PTBP3: variants seen among roughly 807,000 people sequenced by gnomAD.
The protein encoded by PTBP3 is polypyrimidine tract-binding protein 3.
PTBP3 carries 20 observed loss-of-function variants against 58.7 expected under a neutral mutation model. The ratio of observed to expected loss-of-function variants is 0.34; its 90% CI spans 0.24 to 0.50. The LOEUF is 0.50. PTBP3 is among the 20% of genes least tolerant of loss of function. The probability of loss-of-function intolerance (pLI) is 0.98; values close to 1 mark genes in which losing one functional copy is unlikely to be tolerated. For synonymous variants in PTBP3, 185 were observed against 219.8 expected (o/e 0.84, Z 1.40); for missense variants, 509 against 637.2 (o/e 0.80, Z 2.17).
At position 112,222,838 on chromosome 9, in the gene PTBP3, T is replaced by A; in HGVS notation, c.*1013A>T. The A allele has an allele frequency of 1.1e-6, 1 of 894,078 alleles. No individual in the cohort carries two copies. Among genetic ancestry groups the A allele is most frequent in the Non-Finnish European group, 1.3e-6 (1 of 746,694 alleles). 55.4% of individuals were successfully genotyped at this position (894,078 alleles called of 1,614,324 possible). ...TAAGTAAATACACAGTAATTCTGAG[T>A]AAGTATTAGAGATTATAGTGGTACA... is the stretch of plus-strand genomic sequence containing the variant. On this transcript the variant is annotated 3_prime_UTR_variant, in exon 14 of 14. Coordinates refer to ENST00000374257, the MANE Select transcript of PTBP3 (RefSeq NM_001163788.4).
intron 1 of PTBP3, among the ~76,000 whole-genome samples, chr9:112,306,162 T>A (rs1184966536): frequency 6.6e-6 from 1 of 152,128 alleles, no homozygotes; most frequent in African/African-American, 2.4e-5. Context: ...ATTTGCTTAA[T>A]ATTTTTTAAA....
chr9:112,221,629 T>C lies in PTBP3; in HGVS notation c.*2222A>G, dbSNP rs1834811439. 2.0e-6 allele frequency: 2 copies of C among 984,844 alleles called. No individual in the cohort carries two copies. The highest frequency in any genetic ancestry group is 1.7e-5 in the African/African-American group (1 of 57,206). 61.0% of individuals were successfully genotyped at this position (984,844 alleles called of 1,614,324 possible). On this transcript the variant is annotated 3_prime_UTR_variant, in exon 14 of 14. Coordinates refer to ENST00000374257, the MANE Select transcript of PTBP3 (RefSeq NM_001163788.4). The stretch of plus-strand genomic sequence containing the variant: ...CCCCTTGTGTCTAGGTCAAAACTTA[T>C]TTCATAAGTAAAAAAACAAAAAACT...
intron 8 of PTBP3, among the ~76,000 whole-genome samples, chr9:112,234,317 T>C (rs368303639): frequency 6.6e-6 from 1 of 152,194 alleles, no homozygotes; most frequent in Non-Finnish European, 1.5e-5. Context: ...ATAAACAGCA[T>C]GCATACCCCT....
the PTBP3 span, among the ~76,000 whole-genome samples, chr9:112,341,660 T>C: frequency 6.6e-6 from 1 of 152,176 alleles, no homozygotes; most frequent in Non-Finnish European, 1.5e-5. Context: ...AAGTCACTTG[T>C]AGGTCTAGAT....
chr9:112,237,400 G>A (rs986637100), intron 7 of PTBP3, among the ~76,000 whole-genome samples: 1 of 152,098 alleles, frequency 6.6e-6, no homozygotes, highest in Admixed American at 6.6e-5. Context: ...TTTGGAAAAT[G>A]TACCACCATG....
At chr9:112,247,275 TAAATAAATA>T in intron 7 of PTBP3, among the ~76,000 whole-genome samples, 2 of 64,558 alleles carry the variant, frequency 3.1e-5, no homozygotes, top group Admixed American at 1.6e-4. Context: ...CAATAATAAA[TAAATAAATA>T]AATAAATAAA....
intron 1 of PTBP3, chr9:112,333,163 G>A (rs1033508973): frequency 2.5e-6 from 3 of 1,183,878 alleles, no homozygotes; most frequent in East Asian, 3.3e-5. Context: ...GGGCGCGGAG[G>A]GCGGACCTCG....
At chr9:112,245,999 T>C (rs1364786093) in intron 7 of PTBP3, among the ~76,000 whole-genome samples, 1 of 152,042 alleles carries the variant, frequency 6.6e-6, no homozygotes, top group African/African-American at 2.4e-5. Flanking sequence ...TTTTTTTTTT[T>C]TGAGATGGAG....
At chr9:112,372,532 G>A in the PTBP3 span, among the ~76,000 whole-genome samples, 1 of 152,118 alleles carries the variant, frequency 6.6e-6, no homozygotes, top group Admixed American at 6.6e-5. Context: ...ACCCCAAAAC[G>A]AAACTCCATA....
chr9:112,276,118 A>G (rs1219595051), intron 2 of PTBP3, 105 bp from the exon 3 acceptor site: 1 of 1,064,964 alleles, frequency 9.4e-7, no homozygotes, highest in African/African-American at 1.6e-5. Flanking sequence ...TTGGGTTTTG[A>G]ACTTCAGGGA....
intron 3 of PTBP3, among the ~76,000 whole-genome samples, chr9:112,271,166 T>C (rs373243256): frequency 2.0e-5 from 3 of 152,194 alleles, no homozygotes; most frequent in Middle Eastern, 3.2e-3. Context: ...CATTAAAACA[T>C]AGACATGCAC....
At chr9:112,362,396 T>C in the PTBP3 span, among the ~76,000 whole-genome samples, 1 of 152,242 alleles carries the variant, frequency 6.6e-6, no homozygotes, top group Non-Finnish European at 1.5e-5. Flanking sequence ...TGTGTATATA[T>C]TGGACACTGG....
At chr9:112,228,273 G>T in intron 11 of PTBP3, 107 bp downstream of exon 11, 2 of 684,728 alleles carry the variant, frequency 2.9e-6, no homozygotes, top group Non-Finnish European at 2.4e-6. Flanking sequence ...ATCACAAGGA[G>T]GTGTTCTTTT....
chr9:112,235,173 T>A (rs1405940246), intron 7 of PTBP3, among the ~76,000 whole-genome samples: 1 of 152,134 alleles, frequency 6.6e-6, no homozygotes, highest in African/African-American at 2.4e-5. Context: ...GAGCAATATT[T>A]CATAATGAAA....
At chr9:112,227,726 A>G in intron 11 of PTBP3, 99 bp from the exon 12 acceptor site, 1 of 933,820 alleles carries the variant, frequency 1.1e-6, no homozygotes, top group East Asian at 2.6e-5. Context: ...GTAGTTATTT[A>G]AAACTGTATT....
rs146939425 is a variant in PTBP3, at chr9:112,278,120, T to C, written c.35-2107A>G. On this transcript the variant is annotated intron_variant, in intron 2 of 13. Coordinates refer to ENST00000374257, the MANE Select transcript of PTBP3 (RefSeq NM_001163788.4). ...CACTGCCTCATTTGAGTCTCACAAA[T>C]ACCCAAACTAAAGTGTAAAGGTAAT... Among the ~76,000 whole-genome samples the C allele has an allele frequency of 2.6e-5, 4 of 152,282 alleles. No homozygotes were observed. The East Asian group carries it at 7.7e-4, about 29-fold the overall frequency.
chr9:112,246,542 A>C (rs1835884308), intron 7 of PTBP3, among the ~76,000 whole-genome samples: 2 of 151,840 alleles, frequency 1.3e-5, no homozygotes, highest in Admixed American at 1.3e-4. Flanking sequence ...AAATACAAAA[A>C]ATTAGCCGGG....
chr9:112,259,422 T>C (rs181940378), intron 5 of PTBP3, among the ~76,000 whole-genome samples: 7 of 152,286 alleles, frequency 4.6e-5, no homozygotes, highest in African/African-American at 1.7e-4. Context: ...GCTTTCTTAC[T>C]CTCTCTATTC....
chr9:112,255,428 T>C (rs1307727220), intron 5 of PTBP3, among the ~76,000 whole-genome samples: 3 of 152,208 alleles, frequency 2.0e-5, no homozygotes, highest in African/African-American at 7.2e-5. Flanking sequence ...TCAATGTATG[T>C]ATTATACATG....
Sources: allele counts gnomAD v4.1 joint callset (sites outside exome capture counted in the v4.1 genomes callset), GRCh38; gene constraint gnomAD v4.1.1; transcripts MANE v1.5; gene names NCBI Gene and HGNC (gene_info 2026-07-23, HGNC 2026-07-21).